TTC39C: variants seen among roughly 807,000 people sequenced by gnomAD.
The protein encoded by TTC39C is tetratricopeptide repeat domain 39C.
TTC39C carries 33 observed loss-of-function variants against 76.3 expected under a neutral mutation model. The observed-to-expected ratio is 0.43, with a 90% confidence interval of 0.33 to 0.58. The LOEUF (loss-of-function observed/expected upper bound fraction) is 0.58. TTC39C is among the 20% of genes least tolerant of loss of function. The pLI is 0.04. For missense variants in TTC39C, 595 were observed against 701.4 expected (o/e 0.85, Z 1.71); for synonymous variants, 254 against 260.6 (o/e 0.97, Z 0.24).
chr18:24,131,019 GC>G (rs2085120503), intron 12 of TTC39C, among the ~76,000 whole-genome samples: 1 of 18,482 alleles, frequency 5.4e-5, no homozygotes, highest in African/African-American at 2.2e-4. Flanking sequence ...CCTCATCTCT[GC>G]AAAAAAAAAA....
intron 1 of TTC39C, among the ~76,000 whole-genome samples, chr18:24,056,559 C>CAATGTGAGAA (rs2084018893): frequency 2.0e-5 from 2 of 98,800 alleles, no homozygotes; most frequent in Admixed American, 1.3e-4. Flanking sequence ...TATATACATT[C>CAATGTGAGAA]TCTTCCACTG....
Position 24,047,387 on chromosome 18 carries a change from A to G in TTC39C, c.168-16753A>G, listed in dbSNP as rs146118675. On this transcript the variant is annotated intron_variant, in intron 1 of 13. Coordinates refer to ENST00000317571, the MANE Select transcript of TTC39C (RefSeq NM_001135993.2). ...GGATTACAGACATGAGCCACCGTGC[A>G]TGGCCAACATTGATATATATTTCTT... is the stretch of plus-strand genomic sequence containing the variant. 4.8e-3 allele frequency among the ~76,000 whole-genome samples: 726 copies of G among 151,916 alleles called. 5 individuals carry two copies. Among genetic ancestry groups the G allele is most frequent in the African/African-American group, 0.016 (677 of 41,500 alleles).
intron 1 of TTC39C, among the ~76,000 whole-genome samples, chr18:24,057,199 G>C (rs542588617): frequency 7.3e-5 from 11 of 151,576 alleles, no homozygotes; most frequent in Admixed American, 7.2e-4. Flanking sequence ...AATTACTTTC[G>C]TACATCCCTC....
chr18:24,008,725 T>G (rs1315335187), intron 1 of TTC39C, among the ~76,000 whole-genome samples: 1 of 152,220 alleles, frequency 6.6e-6, no homozygotes, highest in African/African-American at 2.4e-5. Flanking sequence ...TAAAGACGCA[T>G]GTACACATGT....
intron 8 of TTC39C, among the ~76,000 whole-genome samples, chr18:24,122,042 A>G (rs2084974165): frequency 6.6e-6 from 1 of 152,202 alleles, no homozygotes; most frequent in Non-Finnish European, 1.5e-5. Context: ...TCCCAGTAGG[A>G]GGAACCTGCC....
chr18:24,125,278 T>G, intron 9 of TTC39C, 149 bp from the exon 10 acceptor site: 1 of 1,071,902 alleles, frequency 9.3e-7, no homozygotes, highest in Non-Finnish European at 1.3e-6. Context: ...GCAACATTTT[T>G]TATAGAGAGA....
At chr18:23,993,861 G>A (rs1016525765) in intron 1 of TTC39C, among the ~76,000 whole-genome samples, 4 of 152,108 alleles carry the variant, frequency 2.6e-5, no homozygotes, top group African/African-American at 9.7e-5. Context: ...TATTAGGTTT[G>A]TGCAAAAATA....
chr18:24,004,266 C>A (rs928821892), intron 1 of TTC39C, among the ~76,000 whole-genome samples: 1 of 152,196 alleles, frequency 6.6e-6, no homozygotes, highest in Non-Finnish European at 1.5e-5. Flanking sequence ...GGCATCTAAG[C>A]ATCCAGTTCC....
rs1265976378 is a variant in TTC39C at position 24,003,181 on chromosome 18, CACCTGTCCA to C, written c.-17+10144_-17+10152del. Among the ~76,000 whole-genome samples the C allele has an allele frequency of 1.1e-4, 17 of 152,328 alleles. 1 individual carries two copies. The East Asian group carries it at 3.1e-3, about 28-fold the overall frequency. On this transcript the variant is annotated intron_variant, in intron 1 of 13. Coordinates refer to the TTC39C transcript ENST00000304621. ...CACTGTTTGAGGATTTCTGCAGTCT[CACCTGTCCA>C]TGCCATTGCTCCTCTGCCTGGAATC... is the stretch of plus-strand genomic sequence containing the variant.
chr18:24,011,583 T>A (rs1368777110), upstream of TTC39C, among the ~76,000 whole-genome samples: 1 of 152,224 alleles, frequency 6.6e-6, no homozygotes, highest in Non-Finnish European at 1.5e-5. Flanking sequence ...CCAATCAATA[T>A]GTTTGCTTTG....
At chr18:24,009,818 G>A (rs1033077844), upstream of TTC39C, among the ~76,000 whole-genome samples, 6 of 152,234 alleles carry the variant, frequency 3.9e-5, no homozygotes, top group African/African-American at 1.4e-4. Context: ...GCACTCCAGT[G>A]GCTATGTGGT....
At chr18:24,055,266 G>A (rs1044498782) in intron 1 of TTC39C, among the ~76,000 whole-genome samples, 28 of 152,282 alleles carry the variant, frequency 1.8e-4, no homozygotes, top group Non-Finnish European at 1.2e-4. Context: ...CCTAGAAGTG[G>A]AATTGCTAGA....
At chr18:23,993,882 A>G (rs1304821885) in intron 1 of TTC39C, among the ~76,000 whole-genome samples, 1 of 152,208 alleles carries the variant, frequency 6.6e-6, no homozygotes, top group Admixed American at 6.5e-5. Flanking sequence ...ATTGCTTTTA[A>G]TGGCAAAACT....
intron 1 of TTC39C, among the ~76,000 whole-genome samples, chr18:24,037,710 A>G (rs978285569): frequency 6.6e-6 from 1 of 152,206 alleles, no homozygotes; most frequent in Non-Finnish European, 1.5e-5. Flanking sequence ...GCATTTAGAC[A>G]TGGAATATGG....
intron 1 of TTC39C, among the ~76,000 whole-genome samples, chr18:24,004,501 G>C (rs1320864202): frequency 6.6e-6 from 1 of 152,144 alleles, no homozygotes; most frequent in Non-Finnish European, 1.5e-5. Context: ...TGATTTCTTA[G>C]TGTCCACATC....
upstream of TTC39C, among the ~76,000 whole-genome samples, chr18:24,011,812 T>C (rs554293544): frequency 6.6e-6 from 1 of 152,330 alleles, no homozygotes; most frequent in East Asian, 1.9e-4. Context: ...CTCCCTTTTT[T>C]CCACTCTCTC....
At chr18:24,107,891 G>GC (rs1555776844) in intron 6 of TTC39C, among the ~76,000 whole-genome samples, 3 of 145,256 alleles carry the variant, frequency 2.1e-5, no homozygotes, top group Non-Finnish European at 3.0e-5. Context: ...CCCAAGTAGG[G>GC]GGGGGGGTAC....
At chr18:24,125,178 C>T (rs1273031550) in intron 9 of TTC39C, among the ~76,000 whole-genome samples, 3 of 152,202 alleles carry the variant, frequency 2.0e-5, no homozygotes, top group Non-Finnish European at 4.4e-5. Context: ...AGGCGTGAGC[C>T]ACCATGCCTG....
intron 3 of TTC39C, 131 bp downstream of exon 3, chr18:24,066,271 AT>A (rs1201640882): frequency 3.2e-6 from 4 of 1,232,744 alleles, no homozygotes; most frequent in Non-Finnish European, 4.4e-6. Flanking sequence ...AATGTTTCTT[AT>A]GGTTTTTGGT....
Sources: gnomAD v4.1 joint callset for allele counts (sites outside exome capture counted in the v4.1 genomes callset) on GRCh38, gnomAD v4.1.1 for gene constraint, MANE v1.5 for transcripts, NCBI Gene and HGNC (gene_info 2026-07-23, HGNC 2026-07-21) for gene names.